Variants in RAB21 observed in about 807,000 individuals in gnomAD.
RAB21 encodes the protein RAB21, member RAS oncogene family.
Under a neutral mutation model 33.1 loss-of-function variants are expected in RAB21, and 13 were observed. The observed-to-expected ratio is 0.39, with a 90% CI of 0.26 to 0.62. The LOEUF is 0.62. Among genes scored for constraint, RAB21 ranks in the 20% least tolerant of loss-of-function variants. RAB21 has a pLI of 0.48. For missense variants in RAB21, 234 were observed against 279.1 expected (o/e 0.84, Z 1.15); for synonymous variants, 91 against 103.7 (o/e 0.88, Z 0.74).
chr12:71,795,539 A>G lies in RAB21; in HGVS notation c.*9866A>G, dbSNP rs1883456490. On this transcript the variant is annotated 3_prime_UTR_variant, in exon 7 of 7. Transcript: ENST00000261263. ...ACCTCTTTCAGAGTTGGGCAAAAGA[A>G]GAAAAAAAAAGCCTTTATTTGTGAT... 7.3e-6 allele frequency: 1 copy of G among 137,654 alleles called. No homozygotes were observed. The highest frequency in any genetic ancestry group is 1.5e-5 in the Non-Finnish European group (1 of 66,026). The allele number at this position is 137,654 out of a possible 1,614,324, so 8.5% of individuals were successfully genotyped here. A position where few individuals can be genotyped will look rare whatever the true frequency, so the allele number is the denominator to read the frequency against.
Position 71,769,491 on chromosome 12 carries a change from G to A in RAB21, c.160-309G>A, listed in dbSNP as rs536385379. On this transcript the variant is annotated intron_variant, in intron 1 of 6. Coordinates refer to ENST00000261263, the MANE Select transcript of RAB21 (RefSeq NM_014999.4). ...CTTAGACTCTTTCTTTCTGTGATAA[G>A]GTAGCATCAAATTAAATGCTCTAGG... Among the ~76,000 whole-genome samples, 13 of 152,024 alleles carry A rather than the reference G, an allele frequency of 8.6e-5. No individual in the cohort carries two copies. The South Asian group carries it at 2.7e-3, about 32-fold the overall frequency.
chr12:71,758,647 A>T lies in RAB21; in HGVS notation c.159+3359A>T, dbSNP rs900263172. ...AGGCGTGCGCCACCATGCTCGGCTA[A>T]TTTTTTTTTTTTGGTAGAGTTGAGG... On this transcript the variant is annotated intron_variant, in intron 1 of 6. Coordinates refer to ENST00000261263, the MANE Select transcript of RAB21 (RefSeq NM_014999.4). Among the ~76,000 whole-genome samples the T allele has an allele frequency of 1.3e-3, 199 of 148,958 alleles. 1 individual carries two copies. Among genetic ancestry groups the T allele is most frequent in the African/African-American group, 4.2e-3 (172 of 40,688 alleles).
chr12:71,791,529 A>T lies in RAB21; in HGVS notation c.*5856A>T, dbSNP rs1458020336. 2.0e-5 allele frequency: 3 copies of T among 152,226 alleles called. No homozygotes were observed. Among genetic ancestry groups the T allele is most frequent in the Non-Finnish European group, 4.4e-5 (3 of 68,038 alleles). 9.4% of individuals were successfully genotyped at this position (152,226 alleles called of 1,614,324 possible). ...GAGGAAAGGTATAACTGATGGGGAA[A>T]AGTACAAGATAAACTAAAACAAGTC... On this transcript the variant is annotated 3_prime_UTR_variant, in exon 7 of 7. Transcript: ENST00000261263.
rs140569576 is a variant in RAB21 at position 71,781,175 on chromosome 12, A to G, written c.392-856A>G. Among the ~76,000 whole-genome samples, 125 of 152,296 alleles carry G rather than the reference A, an allele frequency of 8.2e-4. 3 individuals carry two copies. The East Asian group carries it at 0.023, about 28-fold the overall frequency. On this transcript the variant is annotated intron_variant, in intron 4 of 6. Coordinates refer to ENST00000261263, the MANE Select transcript of RAB21 (RefSeq NM_014999.4). ...ACTAAAATTGTTTTTTAAACAAAGA[A>G]TACAGTTTTTCCGGCCGGGCGCGGT...
chr12:71,776,324 A>G (rs1883119277), intron 4 of RAB21, among the ~76,000 whole-genome samples: 1 of 152,158 alleles, frequency 6.6e-6, no homozygotes, highest in Non-Finnish European at 1.5e-5. Flanking sequence ...TGTTCAATGA[A>G]GTACCTTTTA....
chr12:71,778,246 T>C (rs1377208868), intron 4 of RAB21, among the ~76,000 whole-genome samples: 1 of 152,200 alleles, frequency 6.6e-6, no homozygotes, highest in African/African-American at 2.4e-5. Context: ...CATTAATCCA[T>C]TGATAGGCAC....
Position 71,754,915 on chromosome 12 carries a change from T to A in RAB21, c.-215T>A. The A allele has an allele frequency of 4.3e-6, 1 of 234,416 alleles. No individual in the cohort carries two copies. The allele number at this position is 234,416 out of a possible 1,614,324, so 14.5% of individuals were successfully genotyped here. ...GAGGCAGAGAGGGATCGTTCTTCGC[T>A]TTTCCTCCGGTGCCTGACGTGGTGG... On this transcript the variant is annotated 5_prime_UTR_variant, in exon 1 of 7. Coordinates refer to ENST00000261263, the MANE Select transcript of RAB21 (RefSeq NM_014999.4).
At chr12:71,779,611 G>C (rs1883169502) in intron 4 of RAB21, among the ~76,000 whole-genome samples, 1 of 152,160 alleles carries the variant, frequency 6.6e-6, no homozygotes, top group South Asian at 2.1e-4. Flanking sequence ...ATATCATTAG[G>C]CCATTTGCCC....
rs1343138902 is a variant in RAB21 at position 71,789,658 on chromosome 12, C to A, written c.*3985C>A. The A allele has an allele frequency of 6.6e-6, 1 of 152,112 alleles. No individual in the cohort carries two copies. Among genetic ancestry groups the A allele is most frequent in the Admixed American group, 6.6e-5 (1 of 15,266 alleles). 9.4% of individuals were successfully genotyped at this position (152,112 alleles called of 1,614,324 possible). A position where few individuals can be genotyped will look rare whatever the true frequency, so the allele number is the denominator to read the frequency against. On this transcript the variant is annotated 3_prime_UTR_variant, in exon 7 of 7. Coordinates refer to ENST00000261263, the MANE Select transcript of RAB21 (RefSeq NM_014999.4). ...TGAGTAGATCCCTAAGTACTCTTCT[C>A]TAAATTATAAAATGCATTACCTAGG...
rs1883242517 is a variant in RAB21 at position 71,783,992 on chromosome 12, A to G, written c.535+1334A>G. Among the ~76,000 whole-genome samples the G allele has an allele frequency of 2.6e-5, 4 of 152,224 alleles. No individual in the cohort carries two copies. In the South Asian group the frequency reaches 8.3e-4, roughly 31 times the overall value. The stretch of plus-strand genomic sequence containing the variant: ...CATGTTTATTTAGAAATTATATAAC[A>G]TGTACAAGTACTAATATGTACATTT... On this transcript the variant is annotated intron_variant, in intron 6 of 6. Transcript: ENST00000261263.
intron 1 of RAB21, among the ~76,000 whole-genome samples, chr12:71,756,950 GTCAAT>G: frequency 6.6e-6 from 1 of 152,296 alleles, no homozygotes; most frequent in African/African-American, 2.4e-5. Context: ...ATTACCACAA[GTCAAT>G]GGGGCAGGAG....
Position 71,792,958 on chromosome 12 carries a change from G to A in RAB21, c.*7285G>A, listed in dbSNP as rs1176309838. Reference sequence around the variant, plus strand: ...AGTTGAAGCTGACAGTGAATTTGAGGTAAAGCTGGAAAGAATGTTTTTGAA... The same window carrying A: ...AGTTGAAGCTGACAGTGAATTTGAGATAAAGCTGGAAAGAATGTTTTTGAA... On this transcript the variant is annotated 3_prime_UTR_variant, in exon 7 of 7. Transcript: ENST00000261263. 6.6e-6 allele frequency: 1 copy of A among 152,226 alleles called. No homozygotes were observed. Among genetic ancestry groups the A allele is most frequent in the Non-Finnish European group, 1.5e-5 (1 of 68,046 alleles). 9.4% of individuals were successfully genotyped at this position (152,226 alleles called of 1,614,324 possible).
intron 5 of RAB21, 31 bp from the exon 6 acceptor site, chr12:71,782,539 A>T: frequency 7.0e-7 from 1 of 1,419,150 alleles, no homozygotes; most frequent in Non-Finnish European, 9.8e-7. Flanking sequence ...ATAATATTTT[A>T]CATCAATCAC....
At chr12:71,782,447 A>G in intron 5 of RAB21, 123 bp from the exon 6 acceptor site, 1 of 619,092 alleles carries the variant, frequency 1.6e-6, no homozygotes. Context: ...ATAGCTATAT[A>G]AACTTAATTT....
At chr12:71,771,921 A>C (rs1397526663) in intron 3 of RAB21, among the ~76,000 whole-genome samples, 1 of 151,832 alleles carries the variant, frequency 6.6e-6, no homozygotes, top group Non-Finnish European at 1.5e-5. Context: ...GGTTGCAGTG[A>C]GCCTAGATCG....
chr12:71,759,133 A>C (rs547529301), intron 1 of RAB21, among the ~76,000 whole-genome samples: 1 of 152,296 alleles, frequency 6.6e-6, no homozygotes, highest in South Asian at 2.1e-4. Flanking sequence ...TTGACCCATT[A>C]AGGTTGGCTT....
rs1298353004 is a variant in RAB21 at position 71,788,854 on chromosome 12, T to C, written c.*3181T>C. 1 of 152,166 alleles carries C rather than the reference T, an allele frequency of 6.6e-6. No individual in the cohort carries two copies. Among genetic ancestry groups the C allele is most frequent in the East Asian group, 1.9e-4 (1 of 5,202 alleles). 9.4% of individuals were successfully genotyped at this position (152,166 alleles called of 1,614,324 possible). A position where few individuals can be genotyped will look rare whatever the true frequency, so the allele number is the denominator to read the frequency against. On this transcript the variant is annotated 3_prime_UTR_variant, in exon 7 of 7. Coordinates refer to ENST00000261263, the MANE Select transcript of RAB21 (RefSeq NM_014999.4). Reference sequence around the variant, plus strand: ...CAGGGGAAGATTGTTTTTGAAAATGTATATTGCCATGCTTTTGGGGTAAGC... The same window carrying C: ...CAGGGGAAGATTGTTTTTGAAAATGCATATTGCCATGCTTTTGGGGTAAGC...
intron 6 of RAB21, among the ~76,000 whole-genome samples, chr12:71,783,436 G>C (rs1272584935): frequency 1.3e-5 from 2 of 151,400 alleles, no homozygotes; most frequent in African/African-American, 2.4e-5. Context: ...CTCTAGAAAA[G>C]AATATTGATA....
At chr12:71,763,602 A>C (rs1882912269) in intron 1 of RAB21, among the ~76,000 whole-genome samples, 1 of 152,202 alleles carries the variant, frequency 6.6e-6, no homozygotes, top group Non-Finnish European at 1.5e-5. Context: ...ACATGAGCTA[A>C]TAAGATTGTT....
Sources: gnomAD v4.1 joint callset for allele counts (sites outside exome capture counted in the v4.1 genomes callset) on GRCh38, gnomAD v4.1.1 for gene constraint, MANE v1.5 for transcripts, NCBI Gene and HGNC (gene_info 2026-07-23, HGNC 2026-07-21) for gene names.